Variants in DOCK8 observed in about 807,000 individuals in gnomAD.
The protein encoded by DOCK8 is dedicator of cytokinesis protein 8.
Under a neutral mutation model 245.6 loss-of-function variants are expected in DOCK8, and 141 were observed. The observed-to-expected ratio is 0.57, with a 90% CI of 0.50 to 0.66. The LOEUF is 0.66. DOCK8 is among the 30% of genes least tolerant of loss of function. DOCK8 has a pLI of 0.00. For missense variants in DOCK8, 2,965 were observed against 2,603.4 expected (o/e 1.14, Z -3.02); for synonymous variants, 1,168 against 970.2 (o/e 1.20, Z -3.79).
intron 1 of DOCK8, among the ~76,000 whole-genome samples, chr9:217,480 A>C (rs1170165880): frequency 6.6e-6 from 1 of 152,212 alleles, no homozygotes; most frequent in Non-Finnish European, 1.5e-5. Context: ...AAATCTGATC[A>C]AGAAGAGCCC....
At position 230,750 on chromosome 9, in the gene DOCK8, T is replaced by A. The variant is rs543560285; in HGVS notation, c.53+15721T>A. On this transcript the variant is annotated intron_variant, in intron 1 of 47. Transcript: ENST00000432829. ...TTCGCCCACTTTTTGATGGGGTTGT[T>A]TGTTTTTTTCTTGTAAATGTGTTTG... Among the ~76,000 whole-genome samples, 64 of 152,176 alleles carry A rather than the reference T, an allele frequency of 4.2e-4. 1 individual carries two copies. Among genetic ancestry groups the A allele is most frequent in the Admixed American group, 1.7e-3 (26 of 15,268 alleles).
chr9:269,552 C>A (rs895960097), intron 1 of DOCK8, among the ~76,000 whole-genome samples: 2 of 104,988 alleles, frequency 1.9e-5, no homozygotes, highest in South Asian at 3.3e-4. Flanking sequence ...GTGTGGTTGT[C>A]TTTTTTTTTT....
intron 14 of DOCK8, among the ~76,000 whole-genome samples, chr9:364,164 G>C (rs2052865286): frequency 6.6e-6 from 1 of 152,104 alleles, no homozygotes; most frequent in Non-Finnish European, 1.5e-5. Flanking sequence ...GAAATGACCT[G>C]AACGCTTATT....
chr9:350,719 C>G (rs76918014), intron 14 of DOCK8, among the ~76,000 whole-genome samples: 3,544 of 152,222 alleles, frequency 0.023, 137 homozygotes, highest in African/African-American at 0.079. Context: ...ACACCTGTGC[C>G]TCTCCCTGCA....
chr9:454,955 A>G (rs1010894206), intron 46 of DOCK8, among the ~76,000 whole-genome samples: 1 of 152,200 alleles, frequency 6.6e-6, no homozygotes, highest in Non-Finnish European at 1.5e-5. Flanking sequence ...CTCCTTTAAC[A>G]AAGTCATTAG....
chr9:274,796 G>C (rs2048279914), intron 2 of DOCK8, among the ~76,000 whole-genome samples: 2 of 152,120 alleles, frequency 1.3e-5, no homozygotes, highest in Non-Finnish European at 1.5e-5. Flanking sequence ...CTTAAAATGA[G>C]AAGCCGTAGG....
At chr9:320,130 G>C (rs2050525353) in intron 7 of DOCK8, among the ~76,000 whole-genome samples, 1 of 151,544 alleles carries the variant, frequency 6.6e-6, no homozygotes. Context: ...TCTGTGATCA[G>C]AGATGGCTGG....
chr9:219,976 T>G (rs1192098057), intron 1 of DOCK8, among the ~76,000 whole-genome samples: 1 of 152,216 alleles, frequency 6.6e-6, no homozygotes, highest in African/African-American at 2.4e-5. Flanking sequence ...CTGAGAAGTA[T>G]TTGCTAATTT....
chr9:421,374 G>A (rs937257267), intron 32 of DOCK8, among the ~76,000 whole-genome samples: 1 of 152,194 alleles, frequency 6.6e-6, no homozygotes. Flanking sequence ...GGATGAGGTG[G>A]AAGGTGTTTC....
chr9:248,686 C>T lies in DOCK8; in HGVS notation c.54-22941C>T, dbSNP rs146153092. On this transcript the variant is annotated intron_variant, in intron 1 of 47. Coordinates refer to ENST00000432829, the MANE Select transcript of DOCK8 (RefSeq NM_203447.4). ...AATGAAAATACTGGCATGAGTGATG[C>T]CACCTTTAGATTCTCCACCTTCCTG... Among the ~76,000 whole-genome samples the T allele has an allele frequency of 1.4e-3, 214 of 152,176 alleles. 2 individuals are homozygous for T. Among genetic ancestry groups the T allele is most frequent in the African/African-American group, 5.1e-3 (210 of 41,506 alleles).
intron 24 of DOCK8, among the ~76,000 whole-genome samples, chr9:396,191 G>T (rs1045315570): frequency 6.6e-6 from 1 of 152,064 alleles, no homozygotes; most frequent in African/African-American, 2.4e-5. Flanking sequence ...TTTCCAGCTG[G>T]CCAACATTTC....
chr9:232,257 T>C (rs2131376314), intron 1 of DOCK8, among the ~76,000 whole-genome samples: 1 of 152,300 alleles, frequency 6.6e-6, no homozygotes, highest in African/African-American at 2.4e-5. Flanking sequence ...CACTTGATCA[T>C]GGTGGATAAG....
chr9:261,359 G>A (rs904298760), intron 1 of DOCK8, among the ~76,000 whole-genome samples: 1 of 152,044 alleles, frequency 6.6e-6, no homozygotes, highest in African/African-American at 2.4e-5. Context: ...GCACATAAAT[G>A]GAAAGAAAGA....
intron 1 of DOCK8, among the ~76,000 whole-genome samples, chr9:218,380 C>G (rs1218661053): frequency 6.6e-6 from 1 of 152,200 alleles, no homozygotes; most frequent in East Asian, 1.9e-4. Flanking sequence ...AGCAGACTAT[C>G]TCACAGTCTG....
At chr9:215,294 C>G (rs758596505) in intron 1 of DOCK8, 11 of 1,607,502 alleles carry the variant, frequency 6.8e-6, no homozygotes, top group Non-Finnish European at 9.3e-6. Context: ...CTTCCCCGAA[C>G]AACCTCGCCC....
intron 39 of DOCK8, 152 bp downstream of exon 39, chr9:435,127 G>C (rs1406131770): frequency 1.5e-5 from 13 of 877,894 alleles, no homozygotes; most frequent in Admixed American, 6.1e-5. Context: ...CTGACTGGTA[G>C]AAGCCAGGAT....
chr9:418,958 G>A (rs73639213), intron 30 of DOCK8, among the ~76,000 whole-genome samples: 2 of 152,056 alleles, frequency 1.3e-5, no homozygotes, highest in Non-Finnish European at 2.9e-5. Flanking sequence ...GCTTTTCTAG[G>A]ACCCCAGGGA....
chr9:242,858 A>G (rs2047407711), intron 1 of DOCK8, among the ~76,000 whole-genome samples: 1 of 151,270 alleles, frequency 6.6e-6, no homozygotes, highest in Non-Finnish European at 1.5e-5. Flanking sequence ...TTCACCTCAG[A>G]TGAGACAGAG....
chr9:282,984 A>G (rs1045509809), intron 2 of DOCK8, among the ~76,000 whole-genome samples: 3 of 152,176 alleles, frequency 2.0e-5, no homozygotes, highest in African/African-American at 7.2e-5. Context: ...ATCTTATGAG[A>G]AGCTCAGAGT....
Sources: allele counts gnomAD v4.1 joint callset (sites outside exome capture counted in the v4.1 genomes callset), GRCh38; gene constraint gnomAD v4.1.1; transcripts MANE v1.5; gene names NCBI Gene and HGNC (gene_info 2026-07-23, HGNC 2026-07-21).